The following ATP8A1 variants were observed in gnomAD, a reference collection of about 807,000 sequenced individuals.
ATP8A1 encodes the protein ATPase phospholipid transporting 8A1, also known as phospholipid-transporting ATPase IA.
A neutral mutation model predicts 177.7 loss-of-function variants in ATP8A1; 90 were observed. The ratio of observed to expected loss-of-function variants is 0.51; its 90% CI spans 0.43 to 0.60. ATP8A1 has a LOEUF of 0.60. Among genes scored for constraint, ATP8A1 ranks in the 20% least tolerant of loss-of-function variants. ATP8A1 has a pLI of 0.00. For synonymous variants in ATP8A1, 493 were observed against 485.9 expected (o/e 1.01, Z -0.19); for missense variants, 1,072 against 1,392.8 (o/e 0.77, Z 3.67).
At chr4:42,545,868 G>A (rs914777575) in intron 19 of ATP8A1, among the ~76,000 whole-genome samples, 6 of 152,126 alleles carry the variant, frequency 3.9e-5, no homozygotes, top group Non-Finnish European at 7.3e-5. Flanking sequence ...CAGCTACTTA[G>A]GAGGCTGAGG....
At chr4:42,587,018 C>T (rs1416981486) in intron 8 of ATP8A1, among the ~76,000 whole-genome samples, 2 of 152,170 alleles carry the variant, frequency 1.3e-5, no homozygotes, top group African/African-American at 2.4e-5. Context: ...CAACACATCC[C>T]AACCCTCCCA....
chr4:42,444,287 G>C (rs1027148910), intron 32 of ATP8A1, among the ~76,000 whole-genome samples: 1 of 152,126 alleles, frequency 6.6e-6, no homozygotes, highest in Non-Finnish European at 1.5e-5. Flanking sequence ...CTTGTAATCC[G>C]TAAGTTTAAA....
chr4:42,555,118 TATC>T (rs1729958679), intron 16 of ATP8A1, among the ~76,000 whole-genome samples: 1 of 96,826 alleles, frequency 1.0e-5, no homozygotes, highest in East Asian at 2.9e-4. Flanking sequence ...TCTATCTATC[TATC>T]TATCTATCTA....
intron 1 of ATP8A1, among the ~76,000 whole-genome samples, chr4:42,628,078 T>C (rs1053365346): frequency 3.9e-5 from 6 of 152,148 alleles, no homozygotes; most frequent in South Asian, 2.1e-4. Context: ...CCTAGGGCCA[T>C]AGAGGGTGTG....
chr4:42,587,297 C>CTT (rs1553911190), intron 8 of ATP8A1, among the ~76,000 whole-genome samples: 4 of 150,074 alleles, frequency 2.7e-5, no homozygotes, highest in Non-Finnish European at 5.9e-5. Context: ...TGTTGTACAG[C>CTT]TTCTTTTCTT....
At chr4:42,509,105 G>C (rs994933602) in intron 22 of ATP8A1, among the ~76,000 whole-genome samples, 2 of 152,204 alleles carry the variant, frequency 1.3e-5, no homozygotes, top group Non-Finnish European at 2.9e-5. Context: ...CACTTACGTA[G>C]TACTGAACTG....
At chr4:42,585,126 A>C (rs773068412) in intron 9 of ATP8A1, among the ~76,000 whole-genome samples, 1 of 152,140 alleles carries the variant, frequency 6.6e-6, no homozygotes, top group Non-Finnish European at 1.5e-5. Flanking sequence ...CTCCCTCCAG[A>C]TATTCAAAAG....
At chr4:42,636,147 C>CGCGT (rs750560295) in intron 1 of ATP8A1, among the ~76,000 whole-genome samples, 20 of 21,942 alleles carry the variant, frequency 9.1e-4, no homozygotes, top group South Asian at 5.6e-3. Context: ...CACACACACA[C>CGCGT]ACACACACAC....
intron 19 of ATP8A1, among the ~76,000 whole-genome samples, chr4:42,547,067 C>G (rs1198061787): frequency 6.6e-6 from 1 of 152,222 alleles, no homozygotes; most frequent in African/African-American, 2.4e-5. Context: ...CCATAGATTT[C>G]TCTTTTGTTT....
chr4:42,484,877 CT>C (rs566892998), intron 25 of ATP8A1, among the ~76,000 whole-genome samples: 184 of 152,258 alleles, frequency 1.2e-3, no homozygotes, highest in Middle Eastern at 3.4e-3. Context: ...CATGAACCTA[CT>C]TTAGGTCTTA....
chr4:42,485,717 T>G (rs1188332959), intron 24 of ATP8A1, 49 bp from the exon 25 acceptor site: 1 of 1,511,364 alleles, frequency 6.6e-7, no homozygotes, highest in Admixed American at 1.9e-5. Context: ...CTCCCATTTG[T>G]TCTACTAGGA....
At chr4:42,513,912 G>A (rs1197262916) in intron 22 of ATP8A1, among the ~76,000 whole-genome samples, 7 of 152,130 alleles carry the variant, frequency 4.6e-5, no homozygotes, top group Middle Eastern at 6.3e-3. Context: ...TCTGGAATTG[G>A]GATGTGCTGT....
intron 1 of ATP8A1, among the ~76,000 whole-genome samples, chr4:42,639,296 T>G (rs1026178284): frequency 6.6e-6 from 1 of 152,176 alleles, no homozygotes; most frequent in Non-Finnish European, 1.5e-5. Context: ...TGCACAGACA[T>G]CTGAGACTGG....
chr4:42,556,074 C>A (rs768686879), intron 15 of ATP8A1, 34 bp from the exon 16 acceptor site: 5 of 1,449,336 alleles, frequency 3.4e-6, no homozygotes, highest in Non-Finnish European at 4.8e-6. Flanking sequence ...AAACCCAGTT[C>A]ATTTATACCA....
intron 9 of ATP8A1, among the ~76,000 whole-genome samples, chr4:42,584,839 T>C (rs940793626): frequency 4.6e-5 from 7 of 152,326 alleles, no homozygotes; most frequent in East Asian, 3.9e-4. Context: ...ACCAAACTTA[T>C]AAAGTCCAAA....
intron 33 of ATP8A1, among the ~76,000 whole-genome samples, chr4:42,442,145 T>A (rs914676121): frequency 3.3e-5 from 5 of 152,200 alleles, no homozygotes; most frequent in African/African-American, 1.2e-4. Flanking sequence ...TTGGCCACAC[T>A]TGCTTAAACC....
At chr4:42,518,184 T>A (rs1038157908) in intron 22 of ATP8A1, among the ~76,000 whole-genome samples, 2 of 152,224 alleles carry the variant, frequency 1.3e-5, no homozygotes, top group African/African-American at 4.8e-5. Flanking sequence ...CATTTAAAAG[T>A]ATAACCTTAA....
chr4:42,624,597 G>A lies in ATP8A1; in HGVS notation c.302C>T (p.Thr101Ile). The A allele has an allele frequency of 7.4e-6, 11 of 1,478,584 alleles. No homozygotes were observed. Among genetic ancestry groups the A allele is most frequent in the Non-Finnish European group, 9.9e-6 (11 of 1,110,304 alleles). The allele number at this position is 1,478,584 out of a possible 1,614,324, so 91.6% of individuals were successfully genotyped here. Reference protein sequence around the residue: ...PDVSPTGRYTTLVPLLFILAV... With the variant: ...PDVSPTGRYTILVPLLFILAV... The stretch of plus-strand genomic sequence containing the variant: ...TAAAATAAATAAGAGAGGAACCAGT[G>A]TTGTATAACGACCTGTTGGTGACAC... The change falls in exon 4 of 37, where the codon ACA becomes ATA. Residue 101 changes from threonine (T) to isoleucine (I), a missense_variant. This residue lies in a region of ATP8A1 where 344 missense variants were observed against 393.5 expected (regional missense o/e 0.87). Transcript: ENST00000381668.
chr4:42,564,427 A>G (rs1157118191), intron 15 of ATP8A1, among the ~76,000 whole-genome samples: 4 of 152,220 alleles, frequency 2.6e-5, no homozygotes. Flanking sequence ...CTGCAGAGCT[A>G]CAGGGGTGGA....
Sources: allele counts gnomAD v4.1 joint callset (sites outside exome capture counted in the v4.1 genomes callset), GRCh38; gene constraint gnomAD v4.1.1; regional missense constraint gnomAD v4.1.1; transcripts MANE v1.5; gene names NCBI Gene and HGNC (gene_info 2026-07-23, HGNC 2026-07-21).